Variants in DEFB121 observed in about 807,000 individuals in gnomAD.
DEFB121 encodes defensin beta 121.
A neutral mutation model predicts 2.5 loss-of-function variants in DEFB121; 5 were observed. That is an observed-to-expected ratio of 1.96 (90% CI 1.03 to 4.13). The LOEUF is 4.13. Ranked by LOEUF, DEFB121 falls within the 30% of genes most tolerant of loss-of-function variation. DEFB121 has a pLI of 0.00. For missense variants in DEFB121, 87 were observed against 85.0 expected (o/e 1.02, Z -0.09); for synonymous variants, 39 against 32.6 (o/e 1.20, Z -0.67).
upstream of DEFB121, among the ~76,000 whole-genome samples, chr20:31,415,472 A>G (rs1019910598): frequency 1.8e-4 from 28 of 151,882 alleles, no homozygotes; most frequent in African/African-American, 6.3e-4. Context: ...CTGGTCTCAA[A>G]CTCTTGACCT....
upstream of DEFB121, among the ~76,000 whole-genome samples, chr20:31,408,729 A>C (rs1600530864): frequency 6.6e-6 from 1 of 152,194 alleles, no homozygotes. Context: ...GTTTTCAACG[A>C]TTTAAAAATG....
upstream of DEFB121, among the ~76,000 whole-genome samples, chr20:31,407,182 G>A (rs535012737): frequency 9.9e-5 from 15 of 152,104 alleles, no homozygotes; most frequent in East Asian, 3.9e-4. Context: ...TCCGGGAGGC[G>A]GAGGTTGCAG....
chr20:31,411,412 G>A (rs1056429030), intron 1 of DEFB121, among the ~76,000 whole-genome samples: 1 of 152,110 alleles, frequency 6.6e-6, no homozygotes, highest in Non-Finnish European at 1.5e-5. Flanking sequence ...ATTTTAAAAG[G>A]ATAGAAAACT....
upstream of DEFB121, chr20:31,406,359 G>C (rs556668311): frequency 5.2e-5 from 59 of 1,127,224 alleles, no homozygotes; most frequent in African/African-American, 5.1e-4. Context: ...GGCTGGGAGA[G>C]GGGGAAGGGA....
rs1344397751 is a variant in DEFB121, at chr20:31,404,903, A to AAG, written c.*8_*9dup. 6.2e-7 allele frequency: 1 copy of AAG among 1,613,258 alleles called. No homozygotes were observed. Among genetic ancestry groups the AAG allele is most frequent in the South Asian group, 1.1e-5 (1 of 90,744 alleles). On this transcript the variant is annotated 3_prime_UTR_variant, in exon 2 of 2. Coordinates refer to ENST00000376314, the MANE Select transcript of DEFB121 (RefSeq NM_001011878.3). Reference sequence around the variant, plus strand: ...CCATGATGTTGAGACTCAAGGTTGGAAGAGAGGTGTCAGACTGCAGAAGTT... The same window carrying AAG: ...CCATGATGTTGAGACTCAAGGTTGGAAGAGAGAGGTGTCAGACTGCAGAAGTT...
upstream of DEFB121, among the ~76,000 whole-genome samples, chr20:31,413,448 A>G (rs1978716127): frequency 6.6e-6 from 1 of 152,198 alleles, no homozygotes; most frequent in Non-Finnish European, 1.5e-5. Flanking sequence ...GGTATGCCAC[A>G]GTAACCAAAA....
At chr20:31,410,499 G>A (rs1978629053), upstream of DEFB121, among the ~76,000 whole-genome samples, 1 of 152,146 alleles carries the variant, frequency 6.6e-6, no homozygotes, top group Non-Finnish European at 1.5e-5. Flanking sequence ...AGTTGATTAT[G>A]GGGATAAAAG....
At chr20:31,407,007 G>T (rs750979780), upstream of DEFB121, among the ~76,000 whole-genome samples, 15 of 152,086 alleles carry the variant, frequency 9.9e-5, no homozygotes, top group Non-Finnish European at 1.3e-4. Context: ...CAGCAACTTG[G>T]GAGGCCGAGG....
chr20:31,413,040 T>G (rs1414211087), upstream of DEFB121, among the ~76,000 whole-genome samples: 2 of 152,238 alleles, frequency 1.3e-5, no homozygotes, highest in Non-Finnish European at 2.9e-5. Flanking sequence ...TTTCCCTCAA[T>G]TGTTCATTTG....
chr20:31,412,418 A>G (rs1978689107), intron 1 of DEFB121, among the ~76,000 whole-genome samples: 1 of 152,214 alleles, frequency 6.6e-6, no homozygotes, highest in Non-Finnish European at 1.5e-5. Flanking sequence ...TTTGCCACAT[A>G]TTAGCCATGT....
chr20:31,406,222 G>T (rs961141887), upstream of DEFB121: 12 of 1,603,886 alleles, frequency 7.5e-6, no homozygotes, highest in South Asian at 7.8e-5. Flanking sequence ...CTCCATTCTG[G>T]GCAGTCCAGA....
At chr20:31,414,773 A>T (rs1978757249), upstream of DEFB121, among the ~76,000 whole-genome samples, 1 of 152,148 alleles carries the variant, frequency 6.6e-6, no homozygotes, top group Non-Finnish European at 1.5e-5. Flanking sequence ...TATAGAGGCC[A>T]GGCGCAGTAG....
chr20:31,405,134 A>G (rs747946359), intron 1 of DEFB121, 49 bp from the exon 2 acceptor site: 1 of 1,552,636 alleles, frequency 6.4e-7, no homozygotes, highest in Admixed American at 2.1e-5. Flanking sequence ...GAAAGAAAGC[A>G]GAAAGGTGTG....
At chr20:31,416,332 A>C (rs768199922), upstream of DEFB121, among the ~76,000 whole-genome samples, 1 of 152,236 alleles carries the variant, frequency 6.6e-6, no homozygotes, top group Non-Finnish European at 1.5e-5. Flanking sequence ...AAGTGCTGAG[A>C]TTACAGGCAT....
Position 31,406,164 on chromosome 20 carries a change from G to T in DEFB121, c.-12C>A, listed in dbSNP as rs761002992. The T allele has an allele frequency of 1.9e-6, 3 of 1,613,920 alleles. No individual in the cohort carries two copies. The highest frequency in any genetic ancestry group is 1.1e-5 in the South Asian group (1 of 91,066). On this transcript the variant is annotated 5_prime_UTR_variant, in exon 1 of 2. Transcript: ENST00000376314. ...AGAAGGAGCTTCATGAATGATGAAT[G>T]ATCAGGGAGGGATAGGAGGCTTCTC...
chr20:31,407,868 C>G (rs1467334096), upstream of DEFB121, among the ~76,000 whole-genome samples: 2 of 152,204 alleles, frequency 1.3e-5, no homozygotes, highest in Non-Finnish European at 2.9e-5. Context: ...ACCTCTGCCC[C>G]CCGGGTTCAA....
At chr20:31,408,288 C>CA (rs1182429636), upstream of DEFB121, among the ~76,000 whole-genome samples, 3 of 152,048 alleles carry the variant, frequency 2.0e-5, no homozygotes, top group East Asian at 1.9e-4. Flanking sequence ...TACACACACA[C>CA]AAAAAAAGTT....
At chr20:31,415,124 G>T (rs183735123), upstream of DEFB121, among the ~76,000 whole-genome samples, 214 of 152,286 alleles carry the variant, frequency 1.4e-3, 1 homozygote, top group Middle Eastern at 0.014. Flanking sequence ...ATTGTACCTA[G>T]AGTCAATAAT....
At chr20:31,407,031 A>G (rs1266485154), upstream of DEFB121, among the ~76,000 whole-genome samples, 1 of 152,122 alleles carries the variant, frequency 6.6e-6, no homozygotes, top group Admixed American at 6.5e-5. Context: ...GCGGATCACA[A>G]GTTCAGGAGA....
Sources: gnomAD v4.1 joint callset for allele counts (sites outside exome capture counted in the v4.1 genomes callset) on GRCh38, gnomAD v4.1.1 for gene constraint, MANE v1.5 for transcripts, NCBI Gene and HGNC (gene_info 2026-07-23, HGNC 2026-07-21) for gene names.